The following SLC30A5 variants were observed in gnomAD, a reference collection of about 807,000 sequenced individuals.
The protein encoded by SLC30A5 is proton-coupled zinc antiporter SLC30A5.
SLC30A5 carries 33 observed loss-of-function variants against 79.6 expected under a neutral mutation model. The ratio of observed to expected loss-of-function variants is 0.41; its 90% CI spans 0.31 to 0.55. The LOEUF (loss-of-function observed/expected upper bound fraction) is 0.55, where lower values mean the gene tolerates loss of function less well. SLC30A5 is among the 20% of genes least tolerant of loss of function. SLC30A5 has a pLI of 0.20. For missense variants in SLC30A5, 788 were observed against 928.1 expected (o/e 0.85, Z 1.96); for synonymous variants, 299 against 319.7 (o/e 0.94, Z 0.69).
rs758327246 is a variant in SLC30A5 at position 69,102,050 on chromosome 5, CTTTTT to C, written c.207-993_207-989del. 1.8e-3 allele frequency among the ~76,000 whole-genome samples: 181 copies of C among 99,374 alleles called. No homozygotes were observed. In the East Asian group the frequency reaches 0.019, roughly 11 times the overall value. The allele number at this position is 99,374 out of a possible 152,430, so 65.2% of individuals were successfully genotyped here. ...GGAAATATTAAGCACCAGTGACGTGCTTTTTTTTTTTTTTTTTTTTTTTGAGACAG... is the reference window on the plus strand; with the variant it reads ...GGAAATATTAAGCACCAGTGACGTGCTTTTTTTTTTTTTTTTTTGAGACAG... On this transcript the variant is annotated intron_variant, in intron 2 of 15. Coordinates refer to ENST00000396591, the MANE Select transcript of SLC30A5 (RefSeq NM_022902.5).
chr5:69,105,729 CT>C lies in SLC30A5; in HGVS notation c.359+1014del, dbSNP rs148884976. Among the ~76,000 whole-genome samples, 891 of 152,128 alleles carry C rather than the reference CT, an allele frequency of 5.9e-3. 13 individuals carry two copies. The highest frequency in any genetic ancestry group is 0.02 in the African/African-American group (834 of 41,500). ...GCTATAGACCAGTATGGGTTCATAA[CT>C]CATTAGGAACCAGGCCACAGAGCAG... On this transcript the variant is annotated intron_variant, in intron 4 of 15. Coordinates refer to ENST00000396591, the MANE Select transcript of SLC30A5 (RefSeq NM_022902.5).
intron 5 of SLC30A5, among the ~76,000 whole-genome samples, chr5:69,109,520 T>C (rs1276551681): frequency 2.6e-5 from 4 of 152,128 alleles, no homozygotes; most frequent in Non-Finnish European, 5.9e-5. Context: ...AAGCAAGATA[T>C]AGAACTGATG....
intron 8 of SLC30A5, among the ~76,000 whole-genome samples, 163 bp downstream of exon 8, chr5:69,115,570 G>A (rs962735926): frequency 6.6e-6 from 1 of 152,070 alleles, no homozygotes; most frequent in Non-Finnish European, 1.5e-5. Context: ...AAAATTTGGA[G>A]TTAATTTTAT....
In SLC30A5 at chr5:69,116,796, G is replaced by A. The variant is rs1045926124; in HGVS notation, c.1281+194G>A. ...GGCAATCCTTAAGGCATGTGCCACC[G>A]TGCCCAGCCACTTAAGCAAACAATT... On this transcript the variant is annotated intron_variant, in intron 10 of 15. Transcript: ENST00000396591. The surrounding 1 kb of genome is among the most constrained non-coding windows in gnomAD (Gnocchi z 4.0). Among the ~76,000 whole-genome samples, 7 of 152,082 alleles carry A rather than the reference G, an allele frequency of 4.6e-5. No homozygotes were observed. The highest frequency in any genetic ancestry group is 1.7e-4 in the African/African-American group (7 of 41,422).
intron 10 of SLC30A5, 31 bp from the exon 11 acceptor site, chr5:69,117,208 C>G (rs776762358): frequency 6.4e-7 from 1 of 1,570,186 alleles, no homozygotes; most frequent in Admixed American, 1.8e-5. Flanking sequence ...GCCCAACATA[C>G]TCCTCCCTTT....
intron 15 of SLC30A5, among the ~76,000 whole-genome samples, chr5:69,128,426 T>G (rs6887331): frequency 0.24 from 35,811 of 151,492 alleles, 4,663 homozygotes; most frequent in East Asian, 0.33. Flanking sequence ...TATTTTTGTT[T>G]GTTTGTTTGT....
chr5:69,097,185 G>A (rs183243637), intron 1 of SLC30A5, among the ~76,000 whole-genome samples: 5 of 134,170 alleles, frequency 3.7e-5, no homozygotes, highest in African/African-American at 1.4e-4. Context: ...GCGCGATCTC[G>A]GCTCACTGCA....
chr5:69,121,586 C>T (rs1746533264), intron 12 of SLC30A5, 108 bp from the exon 13 acceptor site: 1 of 786,444 alleles, frequency 1.3e-6, no homozygotes, highest in South Asian at 2.4e-5. Context: ...ACTGTGAATA[C>T]TTTCAAAACT....
chr5:69,128,026 TATC>T lies in SLC30A5; in HGVS notation c.2024_2026del (p.Ser675del). ...CAGATACAGAAAATTGAAGGATTAA[TATC>T]ATACCGAGACCCTCATTTTTGGCGT... On this transcript the variant is annotated inframe_deletion, in exon 15 of 16. Coordinates refer to ENST00000396591, the MANE Select transcript of SLC30A5 (RefSeq NM_022902.5). 3 of 1,611,362 alleles carry T rather than the reference TATC, an allele frequency of 1.9e-6. No individual in the cohort carries two copies. The highest frequency in any genetic ancestry group is 1.1e-5 in the South Asian group (1 of 91,010).
intron 1 of SLC30A5, 44 bp from the exon 2 acceptor site, chr5:69,100,763 T>C (rs1216197357): frequency 4.6e-6 from 7 of 1,531,706 alleles, no homozygotes; most frequent in Non-Finnish European, 4.5e-6. Context: ...GAGCTGCTTG[T>C]AATTTCAGTG....
intron 1 of SLC30A5, among the ~76,000 whole-genome samples, 160 bp downstream of exon 1, chr5:69,094,498 G>C (rs558596180): frequency 6.6e-6 from 1 of 152,074 alleles, no homozygotes; most frequent in Non-Finnish European, 1.5e-5. Flanking sequence ...CGGGCTCCCC[G>C]GGCTCTTCGG....
intron 1 of SLC30A5, among the ~76,000 whole-genome samples, chr5:69,099,991 C>G (rs1745862344): frequency 6.6e-6 from 1 of 152,218 alleles, no homozygotes; most frequent in South Asian, 2.1e-4. Context: ...CGTTTTGAGA[C>G]AGAGTCTCGC....
At chr5:69,128,228 C>G in intron 15 of SLC30A5, 96 bp downstream of exon 15, 1 of 649,786 alleles carries the variant, frequency 1.5e-6, no homozygotes, top group Non-Finnish European at 2.4e-6. Flanking sequence ...ATTTACTATT[C>G]AGAAATATCA....
chr5:69,123,503 A>C (rs1199627352), intron 14 of SLC30A5, 78 bp downstream of exon 14: 6 of 1,085,680 alleles, frequency 5.5e-6, no homozygotes, highest in Non-Finnish European at 8.2e-6. Flanking sequence ...TAAAACAGAC[A>C]ACCAAATAAA....
chr5:69,114,810 A>G (rs189438647), intron 7 of SLC30A5, among the ~76,000 whole-genome samples: 1 of 152,326 alleles, frequency 6.6e-6, no homozygotes, highest in East Asian at 1.9e-4. Context: ...GGTTGCAGTG[A>G]GCCAAGGTCG....
intron 14 of SLC30A5, among the ~76,000 whole-genome samples, chr5:69,127,740 T>TC (rs1746741835): frequency 6.6e-6 from 1 of 152,102 alleles, no homozygotes; most frequent in Non-Finnish European, 1.5e-5. Flanking sequence ...AGATTTTTTT[T>TC]CCCCCACACA....
rs1477983834 is a variant in SLC30A5, at chr5:69,117,311, A to G, written c.1354A>G (p.Met452Val). 11 of 1,613,692 alleles carry G rather than the reference A, an allele frequency of 6.8e-6. No homozygotes were observed. The highest frequency in any genetic ancestry group is 1.3e-5 in the African/African-American group (1 of 74,816). The stretch of plus-strand genomic sequence containing the variant: ...GGGCCTGATCTCGGATGGATTCCAC[A>G]TGCTTTTTGACTGCTCTGCTTTAGT... ...SLGLISDGFH[M>V]LFDCSALVMG... The change falls in exon 11 of 16, where the codon ATG becomes GTG. Residue 452 changes from methionine (M) to valine (V), a missense_variant. Coordinates refer to ENST00000396591, the MANE Select transcript of SLC30A5 (RefSeq NM_022902.5).
Position 69,116,112 on chromosome 5 carries a change from A to G in SLC30A5, c.970A>G (p.Ile324Val), listed in dbSNP as rs1289327820. 3 of 1,614,092 alleles carry G rather than the reference A, an allele frequency of 1.9e-6. No homozygotes were observed. The highest frequency in any genetic ancestry group is 2.2e-5 in the East Asian group (1 of 44,900). The stretch of plus-strand genomic sequence containing the variant: ...TTTTGGAAATTTTTGGACACATCCA[A>G]TAACAGACCAGCTTCGGGCTATGAA... Reference protein sequence around the residue: ...LLFGNFWTHPITDQLRAMNKA... With the variant: ...LLFGNFWTHPVTDQLRAMNKA... Residue 324 changes from isoleucine to valine, a missense_variant, in exon 9 of 16, where the codon ATA (isoleucine) becomes GTA (valine). Ile to Val is a conservative substitution (Grantham distance 29). Coordinates refer to ENST00000396591, the MANE Select transcript of SLC30A5 (RefSeq NM_022902.5). The surrounding 1 kb of genome is among the most constrained non-coding windows in gnomAD (Gnocchi z 4.0).
At chr5:69,102,118 A>G (rs1168513784) in intron 2 of SLC30A5, among the ~76,000 whole-genome samples, 4 of 143,582 alleles carry the variant, frequency 2.8e-5, no homozygotes, top group Admixed American at 7.0e-5. Context: ...CAGTGGCTCA[A>G]TCTCAACTCA....
Sources: gnomAD v4.1 joint callset for allele counts (sites outside exome capture counted in the v4.1 genomes callset) on GRCh38, gnomAD v4.1.1 for gene constraint, Gnocchi (gnomAD v3.1) non-coding constraint, MANE v1.5 for transcripts, NCBI Gene and HGNC (gene_info 2026-07-23, HGNC 2026-07-21) for gene names.